WWC2: variants seen among roughly 807,000 people sequenced by gnomAD.
WWC2 encodes protein WWC2.
In WWC2, 101 loss-of-function variants were observed where a neutral mutation model predicts 138.5. The observed-to-expected ratio is 0.73, with a 90% CI of 0.62 to 0.86. The LOEUF is 0.86. Among genes scored for constraint, WWC2 ranks in the 40% least tolerant of loss-of-function variants. The pLI is 0.00. For missense variants in WWC2, 1,420 were observed against 1,419.4 expected (o/e 1.00, Z -0.01); for synonymous variants, 558 against 538.4 (o/e 1.04, Z -0.50).
chr4:183,190,733 T>G (rs1734967180), intron 1 of WWC2, among the ~76,000 whole-genome samples: 1 of 152,184 alleles, frequency 6.6e-6, no homozygotes. Flanking sequence ...GTAGATGTAA[T>G]TGTAGTCTTA....
At chr4:183,281,010 AC>A (rs1424241519) in intron 17 of WWC2, 113 bp downstream of exon 17, 2 of 1,388,388 alleles carry the variant, frequency 1.4e-6, no homozygotes, top group African/African-American at 3.0e-5. Context: ...AATGCACTGC[AC>A]CTTCAGGAAG....
chr4:183,262,792 G>C (rs113712034), intron 11 of WWC2, among the ~76,000 whole-genome samples: 1 of 147,426 alleles, frequency 6.8e-6, no homozygotes, highest in Non-Finnish European at 1.5e-5. Flanking sequence ...GCGTGCGTGC[G>C]TGTGTGTGTG....
At chr4:183,302,262 G>A (rs1738868280) in intron 21 of WWC2, among the ~76,000 whole-genome samples, 1 of 152,176 alleles carries the variant, frequency 6.6e-6, no homozygotes, top group Admixed American at 6.5e-5. Flanking sequence ...TTTTAAGCCT[G>A]AAGACCTTGT....
At position 183,261,152 on chromosome 4, in the gene WWC2, T is replaced by C; in HGVS notation, c.1529T>C (p.Val510Ala). 1 of 1,613,838 alleles carries C rather than the reference T, an allele frequency of 6.2e-7. No individual in the cohort carries two copies. The highest frequency in any genetic ancestry group is 8.5e-7 in the Non-Finnish European group (1 of 1,179,840). The change falls in exon 11 of 23, where the codon GTG (valine) becomes GCG (alanine). Residue 510 changes from valine (V) to alanine (A), a missense_variant. Val to Ala is a moderately conservative substitution (Grantham distance 64, BLOSUM62 0). Coordinates refer to ENST00000403733, the MANE Select transcript of WWC2 (RefSeq NM_024949.6). ...ATCACCACCATCCATGAAAACGAGG[T>C]GGTCAAGTCCCCTAGCCAGCCTGGC... ...GPITTIHENE[V>A]VKSPSQPGQS... is the part of the protein sequence containing the mutation.
intron 1 of WWC2, among the ~76,000 whole-genome samples, chr4:183,122,151 CTATTT>C (rs1254871011): frequency 6.6e-6 from 1 of 152,062 alleles, no homozygotes; most frequent in Non-Finnish European, 1.5e-5. Flanking sequence ...TGGAAAGTTG[CTATTT>C]TATTACTGAT....
At chr4:183,181,321 T>G (rs6829968) in intron 1 of WWC2, among the ~76,000 whole-genome samples, 149,667 of 152,270 alleles carry the variant, frequency 0.98, 73,602 homozygotes, top group Middle Eastern at 1. Flanking sequence ...CGTAAACCTT[T>G]AGTACACTGT....
intron 21 of WWC2, among the ~76,000 whole-genome samples, chr4:183,305,287 CA>C (rs1738988939): frequency 6.6e-6 from 1 of 151,892 alleles, no homozygotes; most frequent in African/African-American, 2.4e-5. Context: ...AGAAGATGTA[CA>C]ATGTGTTTAA....
Position 183,138,804 on chromosome 4 carries a change from TAAC to T in WWC2, c.131+39184_131+39186del, listed in dbSNP as rs1298691423. ...GTTTTTTGTTTTTTTGTTTTTTAAG[TAAC>T]ACATTTAGTTGTCTTAAGCAGGATT... On this transcript the variant is annotated intron_variant, in intron 1 of 22. Transcript: ENST00000403733. Among the ~76,000 whole-genome samples the T allele has an allele frequency of 3.3e-4, 51 of 152,336 alleles. 1 individual carries two copies. Among genetic ancestry groups the T allele is most frequent in the Admixed American group, 2.9e-3 (45 of 15,304 alleles).
In WWC2 at chr4:183,193,706, A is replaced by T. The variant is rs749510628; in HGVS notation, c.239A>T (p.Asn80Ile). ...GGTGTCTACTACATCGATCACATCA[A>T]CAGTAAGTTTTCCTTTTTGGTAAAA... ...QIGVYYIDHI[N>I]KTTQIEDPRK... The change falls in exon 2 of 23, where the codon AAC becomes ATC. Residue 80 changes from asparagine (N) to isoleucine (I), a missense_variant and splice_region_variant. Asn to Ile is a moderately radical substitution (Grantham distance 149). Transcript: ENST00000403733. 1.2e-6 allele frequency: 2 copies of T among 1,612,364 alleles called. No homozygotes were observed. The highest frequency in any genetic ancestry group is 2.7e-5 in the African/African-American group (2 of 75,032).
At chr4:183,113,808 A>G (rs1371496198) in intron 1 of WWC2, among the ~76,000 whole-genome samples, 1 of 151,714 alleles carries the variant, frequency 6.6e-6, no homozygotes, top group Non-Finnish European at 1.5e-5. Flanking sequence ...GATGAGAAAC[A>G]ATCAGAGCTT....
intron 11 of WWC2, 46 bp downstream of exon 11, chr4:183,261,578 AAGG>A (rs1450454289): frequency 6.5e-7 from 1 of 1,541,242 alleles, no homozygotes; most frequent in Admixed American, 2.1e-5. Context: ...TAGTGATTTT[AAGG>A]AGAATGATTG....
chr4:183,136,805 A>T (rs1733129351), intron 1 of WWC2, among the ~76,000 whole-genome samples: 1 of 152,210 alleles, frequency 6.6e-6, no homozygotes, highest in African/African-American at 2.4e-5. Context: ...TTCTTCTTCC[A>T]GTGTGGCCCA....
chr4:183,248,958 G>A, intron 7 of WWC2, 98 bp downstream of exon 7: 1 of 1,219,080 alleles, frequency 8.2e-7, no homozygotes, highest in Non-Finnish European at 1.1e-6. Flanking sequence ...TATGTGACTT[G>A]GATTCTGGCT....
At chr4:183,228,058 A>G (rs762455320) in intron 4 of WWC2, among the ~76,000 whole-genome samples, 2 of 152,086 alleles carry the variant, frequency 1.3e-5, no homozygotes, top group African/African-American at 4.8e-5. Flanking sequence ...AAATCTACCT[A>G]TATGATACTT....
chr4:183,305,567 T>C (rs1738999638), intron 21 of WWC2, among the ~76,000 whole-genome samples: 1 of 152,166 alleles, frequency 6.6e-6, no homozygotes. Context: ...TATGTGACTC[T>C]TCCTGAGAAA....
intron 21 of WWC2, among the ~76,000 whole-genome samples, chr4:183,305,758 T>C (rs1393311565): frequency 6.6e-6 from 1 of 152,084 alleles, no homozygotes. Context: ...TAGCAAGAAA[T>C]GTTAAAAGTT....
intron 1 of WWC2, among the ~76,000 whole-genome samples, chr4:183,170,723 G>A (rs1241224564): frequency 1.3e-5 from 2 of 151,942 alleles, no homozygotes; most frequent in Non-Finnish European, 2.9e-5. Flanking sequence ...AAAGTGACAG[G>A]GTCTCGCTCT....
chr4:183,143,741 G>A (rs1380553446), intron 1 of WWC2, among the ~76,000 whole-genome samples: 1 of 152,032 alleles, frequency 6.6e-6, no homozygotes, highest in East Asian at 1.9e-4. Flanking sequence ...CCAGGAGGCA[G>A]AGGTTGCAGT....
chr4:183,293,112 A>G (rs1051712509), intron 21 of WWC2, among the ~76,000 whole-genome samples: 1 of 151,964 alleles, frequency 6.6e-6, no homozygotes. Context: ...ACACCGCCAC[A>G]CTCAGCTAAT....
Sources: gnomAD v4.1 joint callset for allele counts (sites outside exome capture counted in the v4.1 genomes callset) on GRCh38, gnomAD v4.1.1 for gene constraint, MANE v1.5 for transcripts, NCBI Gene and HGNC (gene_info 2026-07-23, HGNC 2026-07-21) for gene names.